ASB9: variants seen among roughly 807,000 people sequenced by gnomAD.
ASB9 encodes ankyrin repeat and SOCS box containing 9.
A neutral mutation model predicts 16.6 loss-of-function variants in ASB9; 5 were observed. That is an observed-to-expected ratio of 0.30 (90% confidence interval 0.16 to 0.63). The LOEUF is 0.63. ASB9 is among the 30% of genes least tolerant of loss of function. ASB9 has a pLI of 0.82. For synonymous variants in ASB9, 100 were observed against 86.4 expected, an observed-to-expected ratio of 1.16 and a Z score of -0.87; for missense variants, 216 against 229.4, an observed-to-expected ratio of 0.94 and a Z score of 0.38.
At chrX:15,244,747 A>G (rs1204689108) in intron 6 of ASB9, 117 bp from the exon 7 acceptor site, 1 of 767,343 alleles carries the variant, frequency 1.3e-6, no homozygotes, top group African/African-American at 2.2e-5. Flanking sequence ...ATATTGAACT[A>G]TTTAAGACCA....
intron 2 of ASB9, among the ~76,000 whole-genome samples, chrX:15,255,271 G>A (rs1925446819): frequency 9.0e-6 from 1 of 111,482 alleles, no homozygotes; most frequent in South Asian, 3.8e-4. Context: ...AATCATAATG[G>A]CAAGCACTAC....
At position 15,244,489 on chromosome X, in the gene ASB9, C is replaced by T. The variant is rs1924492664; in HGVS notation, c.*17G>A. ...TAATGTTTTCACATCGTTTGTGAATCCATTCCCTAGATGCATTTAAAGATG... is the reference window on the plus strand; with the variant it reads ...TAATGTTTTCACATCGTTTGTGAATTCATTCCCTAGATGCATTTAAAGATG... On this transcript the variant is annotated 3_prime_UTR_variant, in exon 7 of 7. Transcript: ENST00000380488. The T allele has an allele frequency of 2.5e-6, 3 of 1,184,059 alleles. No individual in the cohort carries two copies. The highest frequency in any genetic ancestry group is 1.8e-5 in the African/African-American group (1 of 56,494).
intron 2 of ASB9, among the ~76,000 whole-genome samples, chrX:15,257,002 T>TGA (rs1925624427): frequency 2.7e-5 from 3 of 110,491 alleles, no homozygotes; most frequent in Non-Finnish European, 5.7e-5. Context: ...TGCAAGTGTA[T>TGA]CAGACACAAG....
Position 15,267,515 on chromosome X carries a change from C to T in ASB9, c.94+2266G>A, listed in dbSNP as rs750638928. On this transcript the variant is annotated intron_variant, in intron 1 of 6. Coordinates refer to ENST00000380488, the MANE Select transcript of ASB9 (RefSeq NM_001031739.3). ...ATCCCAGCACTTTGGGAGGCCAAGG[C>T]GGGCGGATCACGAGGTCAGGAGATT... Among the ~76,000 whole-genome samples the T allele has an allele frequency of 4.0e-3, 211 of 52,153 alleles. 4 individuals are homozygous for T. Among genetic ancestry groups the T allele is most frequent in the Middle Eastern group, 0.01 (1 of 97 alleles). 45.3% of individuals were successfully genotyped at this position (52,153 alleles called of 115,157 possible). A position where few individuals can be genotyped will look rare whatever the true frequency, so the allele number is the denominator to read the frequency against.
chrX:15,248,474 A>C (rs1924846023), intron 6 of ASB9, among the ~76,000 whole-genome samples: 1 of 111,981 alleles, frequency 8.9e-6, no homozygotes, highest in Admixed American at 9.5e-5. Flanking sequence ...CAGTATCTTA[A>C]TTTTTAAAAA....
intron 1 of ASB9, among the ~76,000 whole-genome samples, chrX:15,263,331 C>A (rs1055970053): frequency 5.4e-5 from 6 of 111,193 alleles, no homozygotes; most frequent in African/African-American, 1.6e-4. Context: ...CATGAACCAA[C>A]CTGCCAGAAC....
intron 6 of ASB9, among the ~76,000 whole-genome samples, chrX:15,246,731 C>T (rs374387158): frequency 2.7e-5 from 3 of 111,215 alleles, no homozygotes; most frequent in Non-Finnish European, 3.8e-5. Flanking sequence ...CCCACCTTGG[C>T]CTCCCAAAGT....
rs1924480495 is a variant in ASB9 at position 15,244,318 on chromosome X, C to T, written c.*188G>A. On this transcript the variant is annotated 3_prime_UTR_variant, in exon 7 of 7. Transcript: ENST00000380488. ...CGTATGCAGTGTCTTTCAACCCTGG[C>T]TTGAGTTTAACAAATACAAATTGAA... 5 of 489,939 alleles carry T rather than the reference C, an allele frequency of 1.0e-5. No homozygotes were observed. In the Admixed American group the frequency reaches 1.3e-4, roughly 13 times the overall value. 40.4% of individuals were successfully genotyped at this position (489,939 alleles called of 1,213,427 possible).
chrX:15,244,692 T>TGGA (rs1555928268), intron 6 of ASB9, 62 bp from the exon 7 acceptor site: 64 of 965,821 alleles, frequency 6.6e-5, no homozygotes, highest in Non-Finnish European at 8.6e-5. Context: ...TCCTTTTTTT[T>TGGA]AAAAAAAAAA....
chrX:15,254,036 C>T, intron 3 of ASB9, among the ~76,000 whole-genome samples: 1 of 111,645 alleles, frequency 9.0e-6, no homozygotes, highest in East Asian at 2.8e-4. Context: ...TCCCTGTTTC[C>T]AAGTTTTGAA....
intron 5 of ASB9, 96 bp from the exon 6 acceptor site, chrX:15,249,031 G>C: frequency 1.1e-6 from 1 of 894,711 alleles, no homozygotes; most frequent in South Asian, 3.2e-5. Flanking sequence ...CCTAACAAGA[G>C]GGGATCCATA....
At position 15,270,081 on chromosome X, in the gene ASB9, T is replaced by TACACAC. The variant is rs370190376; in HGVS notation, c.-208_-207insGTGTGT. ...GATCAGAGAGAGGCATGCGCTCGTG[T>TACACAC]ACACACACACACACACACACACACA... On this transcript the variant is annotated 5_prime_UTR_variant, in exon 1 of 7. Transcript: ENST00000380488. 10,453 of 292,009 alleles carry TACACAC rather than the reference T, an allele frequency of 0.036. 254 individuals are homozygous for TACACAC. Among genetic ancestry groups the TACACAC allele is most frequent in the African/African-American group, 0.11 (3,598 of 32,367 alleles). The allele number at this position is 292,009 out of a possible 1,213,427, so 24.1% of individuals were successfully genotyped here. A position where few individuals can be genotyped will look rare whatever the true frequency, so the allele number is the denominator to read the frequency against.
Position 15,248,930 on chromosome X carries a change from C to A in ASB9, c.574G>T (p.Asp192Tyr). ...TCCTGACCTTTCCCTTGGTTCACGTCCGCTCCTAAACAGTCACGAGAACAA... is the reference window on the plus strand; with the variant it reads ...TCCTGACCTTTCCCTTGGTTCACGTACGCTCCTAAACAGTCACGAGAACAA... ...CVKKLLESGA[D>Y]VNQGKGQDSP... The change falls in exon 6 of 7, where the codon GAC becomes TAC. Residue 192 changes from aspartate to tyrosine, a missense_variant. Coordinates refer to ENST00000380488, the MANE Select transcript of ASB9 (RefSeq NM_001031739.3). The A allele has an allele frequency of 8.4e-7, 1 of 1,188,414 alleles. No individual in the cohort carries two copies. The highest frequency in any genetic ancestry group is 1.1e-6 in the Non-Finnish European group (1 of 882,164).
intron 5 of ASB9, among the ~76,000 whole-genome samples, chrX:15,250,072 A>G (rs1924973800): frequency 8.9e-6 from 1 of 111,977 alleles, no homozygotes; most frequent in Non-Finnish European, 1.9e-5. Flanking sequence ...GGAAGATTCA[A>G]CACTAATCCA....
intron 3 of ASB9, among the ~76,000 whole-genome samples, chrX:15,252,946 AC>A (rs1194240983): frequency 8.9e-6 from 1 of 112,754 alleles, no homozygotes; most frequent in Non-Finnish European, 1.9e-5. Flanking sequence ...GCTCAAAAAA[AC>A]ATTTGGCCAG....
Position 15,248,892 on chromosome X carries a change from A to G in ASB9, c.612T>C (p.His204=), listed in dbSNP as rs933776614. 1 of 1,207,217 alleles carries G rather than the reference A, an allele frequency of 8.3e-7. No homozygotes were observed. Among genetic ancestry groups the G allele is most frequent in the African/African-American group, 1.7e-5 (1 of 57,667 alleles). The stretch of plus-strand genomic sequence containing the variant: ...CTTCACTGGCTGTCCTGGCCACTGC[A>G]TGAAGTGGGGAATCCTGACCTTTCC... The part of the protein sequence containing the change: ...NQGKGQDSPL[H]AVARTASEEL... Residue 204 remains histidine (H), a synonymous_variant, in exon 6 of 7, where the codon CAT becomes CAC. Coordinates refer to ENST00000380488, the MANE Select transcript of ASB9 (RefSeq NM_001031739.3).
chrX:15,253,424 A>T (rs1257949157), intron 3 of ASB9, among the ~76,000 whole-genome samples: 1 of 109,087 alleles, frequency 9.2e-6, no homozygotes, highest in Non-Finnish European at 1.9e-5. Context: ...ACATGATGAA[A>T]CCCCATCTCT....
In ASB9 at chrX:15,244,693, A is replaced by T. The variant is rs780652980; in HGVS notation, c.761-63T>A. ...TATTGATCTAAGACTCCTTTTTTTT[A>T]AAAAAAAAAAGCATCCAAGATAGAA... On this transcript the variant is annotated intron_variant, in intron 6 of 6. Transcript: ENST00000380488. 448 of 597,263 alleles carry T rather than the reference A, an allele frequency of 7.5e-4. 1 individual carries two copies. The highest frequency in any genetic ancestry group is 1.5e-3 in the African/African-American group (64 of 44,027). 49.2% of individuals were successfully genotyped at this position (597,263 alleles called of 1,213,427 possible). A position where few individuals can be genotyped will look rare whatever the true frequency, so the allele number is the denominator to read the frequency against.
At chrX:15,267,421 T>A (rs1345711936) in intron 1 of ASB9, among the ~76,000 whole-genome samples, 11 of 73,789 alleles carry the variant, frequency 1.5e-4, no homozygotes, top group African/African-American at 7.7e-4. Flanking sequence ...AAAAAAAATA[T>A]ATATATATAT....
Sources: gnomAD v4.1 joint callset for allele counts (sites outside exome capture counted in the v4.1 genomes callset) on GRCh38, gnomAD v4.1.1 for gene constraint, MANE v1.5 for transcripts, NCBI Gene and HGNC (gene_info 2026-07-23, HGNC 2026-07-21) for gene names.